The following CPSF6 variants were observed in gnomAD, a reference collection of about 807,000 sequenced individuals.
CPSF6 encodes the protein cleavage and polyadenylation specificity factor subunit 6.
In CPSF6, 10 loss-of-function variants were observed where a neutral mutation model predicts 56.7. The ratio of observed to expected loss-of-function variants is 0.18; its 90% confidence interval spans 0.11 to 0.30. The LOEUF (loss-of-function observed/expected upper bound fraction) is 0.30. Ranked by LOEUF, CPSF6 falls within the 10% of genes least tolerant of loss-of-function variation. The pLI is 1.00. For synonymous variants in CPSF6, 248 were observed against 244.8 expected, an observed-to-expected ratio of 1.01 and a Z score of -0.12; for missense variants, 419 against 722.9, an observed-to-expected ratio of 0.58 and a Z score of 4.82.
At chr12:69,247,846 T>G (rs1171176998) in intron 1 of CPSF6, among the ~76,000 whole-genome samples, 1 of 152,232 alleles carries the variant, frequency 6.6e-6, no homozygotes, top group Non-Finnish European at 1.5e-5. Context: ...GAGTTTCATT[T>G]TTAGTAATGG....
In CPSF6 at chr12:69,258,085, A is replaced by T; in HGVS notation, c.694+180A>T. ...AGGAACTCGGCCTTTGTTCCTGGAA[A>T]CTAGGATTCCATGGCATATGGGGCA... On this transcript the variant is annotated intron_variant, in intron 5 of 9. Coordinates refer to ENST00000435070, the MANE Select transcript of CPSF6 (RefSeq NM_007007.3). This position sits in a 1 kb window ranked among gnomAD's most constrained non-coding sequence, Gnocchi z 4.2. 5 of 1,536,974 alleles carry T rather than the reference A, an allele frequency of 3.3e-6. No individual in the cohort carries two copies. Among genetic ancestry groups the T allele is most frequent in the Non-Finnish European group, 4.4e-6 (5 of 1,146,890 alleles).
intron 9 of CPSF6, among the ~76,000 whole-genome samples, chr12:69,265,598 CTTTTTTTTTTTTT>C (rs56097101): frequency 2.0e-5 from 2 of 99,802 alleles, no homozygotes; most frequent in Non-Finnish European, 4.0e-5. Flanking sequence ...TATCTGATTA[CTTTTTTTTTTTTT>C]TTTTTTTTGA....
chr12:69,250,143 C>T (rs1872155517), intron 1 of CPSF6, among the ~76,000 whole-genome samples: 1 of 151,850 alleles, frequency 6.6e-6, no homozygotes. Flanking sequence ...CATATTTCTT[C>T]TTTCTTTTAT....
intron 8 of CPSF6, 65 bp downstream of exon 8, chr12:69,260,262 T>A: frequency 7.9e-7 from 1 of 1,269,114 alleles, no homozygotes. Flanking sequence ...AAAAATACTG[T>A]GAGACTTTAA....
At position 69,262,412 on chromosome 12, in the gene CPSF6, A is replaced by G. The variant is rs1302369557; in HGVS notation, c.1509A>G (p.Arg503=). Residue 503 remains arginine (R), a synonymous_variant, in exon 9 of 10, where the codon CGA becomes CGG. Transcript: ENST00000435070. ...GAGAGAGGGACCATAGTAGATCACGAGAAAAGAGTCGACGTCATAAATCCC... is the reference window on the plus strand; with the variant it reads ...GAGAGAGGGACCATAGTAGATCACGGGAAAAGAGTCGACGTCATAAATCCC... ...RSRERDHSRS[R]EKSRRHKSRS... The G allele has an allele frequency of 6.2e-7, 1 of 1,612,086 alleles. No individual in the cohort carries two copies. The highest frequency in any genetic ancestry group is 1.3e-5 in the African/African-American group (1 of 74,914).
At chr12:69,266,159 TATA>T (rs1872972872) in intron 9 of CPSF6, among the ~76,000 whole-genome samples, 1 of 152,112 alleles carries the variant, frequency 6.6e-6, no homozygotes, top group African/African-American at 2.4e-5. Context: ...TGATACTGGT[TATA>T]ATAAGATTTT....
chr12:69,259,342 C>T, intron 6 of CPSF6, 86 bp from the exon 7 acceptor site: 2 of 1,468,620 alleles, frequency 1.4e-6, no homozygotes, highest in African/African-American at 2.8e-5. Context: ...ATGTCAGAAG[C>T]AGCTAGTATG....
chr12:69,267,820 G>C (rs1356680361), intron 9 of CPSF6, among the ~76,000 whole-genome samples: 1 of 151,790 alleles, frequency 6.6e-6, no homozygotes, highest in African/African-American at 2.4e-5. Context: ...TCAAACAAAA[G>C]AGTGCATTAG....
chr12:69,244,947 A>G (rs948248736), intron 1 of CPSF6, among the ~76,000 whole-genome samples: 1 of 152,078 alleles, frequency 6.6e-6, no homozygotes, highest in Admixed American at 6.5e-5. Flanking sequence ...AGTACACTCT[A>G]ACATAATGAT....
chr12:69,245,925 A>G (rs1169013194), intron 1 of CPSF6, among the ~76,000 whole-genome samples: 8 of 152,178 alleles, frequency 5.3e-5, no homozygotes, highest in East Asian at 1.9e-4. Context: ...TGTCTCTACT[A>G]AAAATACAAA....
intron 1 of CPSF6, among the ~76,000 whole-genome samples, chr12:69,247,960 A>G (rs1872002326): frequency 6.6e-6 from 1 of 152,242 alleles, no homozygotes; most frequent in Admixed American, 6.5e-5. Flanking sequence ...GAAGCTAACT[A>G]GTCCACATGG....
At chr12:69,263,369 T>G (rs1190155931) in intron 9 of CPSF6, among the ~76,000 whole-genome samples, 2 of 152,080 alleles carry the variant, frequency 1.3e-5, no homozygotes, top group African/African-American at 2.4e-5. Flanking sequence ...TTTCATGAAG[T>G]GGGAAGAGTT....
rs1458253157 is a variant in CPSF6, at chr12:69,271,504, C to T, written c.*1996C>T. 3 of 151,676 alleles carry T rather than the reference C, an allele frequency of 2.0e-5. No homozygotes were observed. Among genetic ancestry groups the T allele is most frequent in the Non-Finnish European group, 3.0e-5 (2 of 67,682 alleles). 9.4% of individuals were successfully genotyped at this position (151,676 alleles called of 1,614,324 possible). On this transcript the variant is annotated 3_prime_UTR_variant, in exon 10 of 10. Transcript: ENST00000435070. ...TTGAAATGAAACTGGAAATTTTATACTAATTAAATCCTTTATTTACCTTTT... is the reference window on the plus strand; with the variant it reads ...TTGAAATGAAACTGGAAATTTTATATTAATTAAATCCTTTATTTACCTTTT...
intron 1 of CPSF6, among the ~76,000 whole-genome samples, chr12:69,247,722 A>G (rs1318252809): frequency 6.6e-6 from 1 of 152,118 alleles, no homozygotes; most frequent in African/African-American, 2.4e-5. Context: ...TTCTCACTTT[A>G]TGAAGTAAGA....
Position 69,258,438 on chromosome 12 carries a change from GTTGGTAGTGTAACA to G in CPSF6, c.695-149_695-136del. On this transcript the variant is annotated intron_variant, in intron 5 of 9. Transcript: ENST00000435070. This position sits in a 1 kb window ranked among gnomAD's most constrained non-coding sequence, Gnocchi z 4.2. Reference sequence around the variant, plus strand: ...ATTTGTAAGGATATACTTCATTGTAGTTGGTAGTGTAACATTTACCATACGGGTTTAATTTAAAG... The same window carrying G: ...ATTTGTAAGGATATACTTCATTGTAGTTTACCATACGGGTTTAATTTAAAG... 5 of 771,192 alleles carry G rather than the reference GTTGGTAGTGTAACA, an allele frequency of 6.5e-6. No individual in the cohort carries two copies. The highest frequency in any genetic ancestry group is 1.0e-5 in the Non-Finnish European group (5 of 501,506). The allele number at this position is 771,192 out of a possible 1,614,324, so 47.8% of individuals were successfully genotyped here.
At position 69,269,682 on chromosome 12, in the gene CPSF6, C is replaced by T. The variant is rs1873153274; in HGVS notation, c.*174C>T. On this transcript the variant is annotated 3_prime_UTR_variant, in exon 10 of 10. Transcript: ENST00000435070. ...TCTGCATAAATGGTAACCAGTAGCT[C>T]TACTTTTATTTTTTATGTTGCTTAA... 1 of 221,592 alleles carries T rather than the reference C, an allele frequency of 4.5e-6. No homozygotes were observed. Among genetic ancestry groups the T allele is most frequent in the Admixed American group, 6.0e-5 (1 of 16,768 alleles). 13.7% of individuals were successfully genotyped at this position (221,592 alleles called of 1,614,324 possible).
At chr12:69,255,246 C>G (rs1872451004) in intron 3 of CPSF6, 1 of 152,200 alleles carries the variant, frequency 6.6e-6, no homozygotes, top group Admixed American at 6.5e-5. Flanking sequence ...TAATATTCCA[C>G]TACATGGATA....
rs758850996 is a variant in CPSF6, at chr12:69,259,086, C to A, written c.1191C>A (p.Pro397=). The stretch of plus-strand genomic sequence containing the variant: ...CATATGATAGGGGTGACTATGGCCC[C>A]CCTGGAAGGTAAGTTAGTGTGTATC... ...PPPYDRGDYG[P]PGREMDTART... is the part of the protein sequence containing the mutation. The change falls in exon 6 of 10, where the codon CCC becomes CCA. Residue 397 remains proline (P), a synonymous_variant. Coordinates refer to ENST00000435070, the MANE Select transcript of CPSF6 (RefSeq NM_007007.3). 6.3e-7 allele frequency: 1 copy of A among 1,599,450 alleles called. No homozygotes were observed. The highest frequency in any genetic ancestry group is 8.5e-7 in the Non-Finnish European group (1 of 1,178,636).
At chr12:69,245,037 T>G (rs920607949) in intron 1 of CPSF6, among the ~76,000 whole-genome samples, 1 of 151,032 alleles carries the variant, frequency 6.6e-6, no homozygotes, top group African/African-American at 2.4e-5. Flanking sequence ...GGCGGCAGAT[T>G]GCTTGAGGCC....
Sources: allele counts gnomAD v4.1 joint callset (sites outside exome capture counted in the v4.1 genomes callset), GRCh38; gene constraint gnomAD v4.1.1; non-coding constraint Gnocchi (gnomAD v3.1); transcripts MANE v1.5; gene names NCBI Gene and HGNC (gene_info 2026-07-23, HGNC 2026-07-21).